Variants in FSIP1 observed in about 807,000 individuals in gnomAD.
FSIP1 encodes the protein fibrous sheath-interacting protein 1.
In FSIP1, 65 loss-of-function variants were observed where a neutral mutation model predicts 60.9. The ratio of observed to expected loss-of-function variants is 1.07; its 90% CI spans 0.87 to 1.31. FSIP1 has a LOEUF of 1.31. Ranked by LOEUF, FSIP1 falls within the 40% of genes most tolerant of loss-of-function variation. The pLI is 0.00. For synonymous variants in FSIP1, 209 were observed against 221.2 expected, an observed-to-expected ratio of 0.94 and a Z score of 0.49; for missense variants, 675 against 665.5, an observed-to-expected ratio of 1.01 and a Z score of -0.16.
chr15:39,736,428 T>C (rs1267940899), intron 8 of FSIP1, among the ~76,000 whole-genome samples: 1 of 152,226 alleles, frequency 6.6e-6, no homozygotes, highest in African/African-American at 2.4e-5. Context: ...GGATATTTTG[T>C]TTGCCCACAC....
At chr15:39,612,885 T>C (rs1179584639) in intron 11 of FSIP1, among the ~76,000 whole-genome samples, 1 of 152,120 alleles carries the variant, frequency 6.6e-6, no homozygotes, top group Non-Finnish European at 1.5e-5. Flanking sequence ...AAAGTCTTAA[T>C]ATAAACGACC....
chr15:39,749,454 A>G (rs1318245637), intron 5 of FSIP1, among the ~76,000 whole-genome samples: 2 of 152,048 alleles, frequency 1.3e-5, no homozygotes, highest in African/African-American at 4.8e-5. Flanking sequence ...ATATATCAAA[A>G]AGACTACACA....
At chr15:39,675,523 G>A (rs766687422) in intron 10 of FSIP1, among the ~76,000 whole-genome samples, 4 of 152,100 alleles carry the variant, frequency 2.6e-5, no homozygotes, top group Admixed American at 1.3e-4. Flanking sequence ...AAAAAAGGGT[G>A]CACCACTGCA....
intron 11 of FSIP1, chr15:39,602,264 G>C (rs1445701315): frequency 2.2e-6 from 1 of 453,188 alleles, no homozygotes; most frequent in African/African-American, 2.0e-5. Context: ...GCAGAGACTG[G>C]AGTGACGTGG....
intron 9 of FSIP1, among the ~76,000 whole-genome samples, chr15:39,717,786 G>A (rs1895798989): frequency 6.6e-6 from 1 of 152,200 alleles, no homozygotes; most frequent in Admixed American, 6.5e-5. Context: ...GTCAGAGATG[G>A]CCAAAATACA....
intron 11 of FSIP1, among the ~76,000 whole-genome samples, chr15:39,614,335 C>G (rs151052853): frequency 1.3e-5 from 2 of 152,064 alleles, no homozygotes; most frequent in African/African-American, 4.8e-5. Flanking sequence ...ACAATTGTCT[C>G]TAATAAAAAA....
intron 3 of FSIP1, among the ~76,000 whole-genome samples, chr15:39,769,501 T>C (rs528098782): frequency 5.3e-4 from 80 of 152,314 alleles, no homozygotes; most frequent in African/African-American, 1.9e-3. Flanking sequence ...TTCTTTCAAG[T>C]AAAAACGGTG....
intron 11 of FSIP1, among the ~76,000 whole-genome samples, chr15:39,607,919 C>G (rs993113604): frequency 6.6e-6 from 1 of 152,176 alleles, no homozygotes; most frequent in Admixed American, 6.5e-5. Context: ...CAGCCAAACA[C>G]GCAGCAACTC....
intron 5 of FSIP1, among the ~76,000 whole-genome samples, chr15:39,758,886 G>A (rs1362068537): frequency 6.6e-6 from 1 of 151,896 alleles, no homozygotes; most frequent in Non-Finnish European, 1.5e-5. Context: ...AATAAACCCA[G>A]TTCCTACACG....
chr15:39,700,988 C>T (rs899903446), intron 10 of FSIP1, among the ~76,000 whole-genome samples: 1 of 152,018 alleles, frequency 6.6e-6, no homozygotes, highest in Non-Finnish European at 1.5e-5. Flanking sequence ...CTCACCTCTA[C>T]AAAAAATACA....
intron 9 of FSIP1, among the ~76,000 whole-genome samples, chr15:39,724,102 T>C (rs1189845061): frequency 1.3e-5 from 2 of 152,240 alleles, no homozygotes; most frequent in East Asian, 3.8e-4. Flanking sequence ...ATATATGTTA[T>C]TTCACATAAA....
chr15:39,762,608 G>C (rs1473681046), intron 5 of FSIP1, among the ~76,000 whole-genome samples: 1 of 152,200 alleles, frequency 6.6e-6, no homozygotes, highest in Non-Finnish European at 1.5e-5. Context: ...GCTTGCTTGG[G>C]TTTCTCACAG....
intron 5 of FSIP1, among the ~76,000 whole-genome samples, chr15:39,753,546 T>C (rs1474978279): frequency 6.6e-6 from 1 of 152,066 alleles, no homozygotes; most frequent in Non-Finnish European, 1.5e-5. Context: ...CCAAGAAGGG[T>C]TGGCCCAGGA....
At chr15:39,695,932 G>A (rs984587658) in intron 10 of FSIP1, among the ~76,000 whole-genome samples, 5 of 152,222 alleles carry the variant, frequency 3.3e-5, no homozygotes, top group Non-Finnish European at 7.3e-5. Context: ...GGTAAGAAGA[G>A]ATTAGCAGCA....
At chr15:39,638,388 C>T (rs1014813233) in intron 10 of FSIP1, among the ~76,000 whole-genome samples, 4 of 152,180 alleles carry the variant, frequency 2.6e-5, no homozygotes, top group African/African-American at 9.7e-5. Context: ...AGGAGAATGA[C>T]AGGAGATATG....
intron 8 of FSIP1, 73 bp from the exon 9 acceptor site, chr15:39,726,820 T>A: frequency 1.7e-6 from 2 of 1,199,276 alleles, no homozygotes; most frequent in South Asian, 2.8e-5. Flanking sequence ...CAAGTGGCTA[T>A]AACAGTGCCC....
At chr15:39,679,794 G>T (rs113420405) in intron 10 of FSIP1, among the ~76,000 whole-genome samples, 1 of 151,982 alleles carries the variant, frequency 6.6e-6, no homozygotes, top group Admixed American at 6.5e-5. Context: ...CACAAACAAC[G>T]TCATCACAGG....
chr15:39,765,634 C>G lies in FSIP1; in HGVS notation c.423G>C (p.Lys141Asn), dbSNP rs747601508. 2 of 1,604,854 alleles carry G rather than the reference C, an allele frequency of 1.2e-6. No individual in the cohort carries two copies. Among genetic ancestry groups the G allele is most frequent in the Non-Finnish European group, 1.7e-6 (2 of 1,176,684 alleles). ...KKQRREKEIKKQGLEMRIKLW... is the reference protein window; with the variant it reads ...KKQRREKEIKNQGLEMRIKLW... ...GCTTTATTCTCATTTCTAGACCTTG[C>G]TTCTTAATTTCTTTTTCTCTGCGTT... is the stretch of plus-strand genomic sequence containing the variant. Residue 141 changes from lysine to asparagine, a missense_variant, in exon 4 of 12, where the codon AAG (lysine) becomes AAC (asparagine). Transcript: ENST00000350221.
chr15:39,702,986 T>C (rs79641621), intron 10 of FSIP1, among the ~76,000 whole-genome samples: 29 of 120,732 alleles, frequency 2.4e-4, no homozygotes, highest in East Asian at 5.8e-4. Flanking sequence ...AATTGTCTTT[T>C]TTTTTTTTTT....
Sources: gnomAD v4.1 joint callset for allele counts (sites outside exome capture counted in the v4.1 genomes callset) on GRCh38, gnomAD v4.1.1 for gene constraint, MANE v1.5 for transcripts, NCBI Gene and HGNC (gene_info 2026-07-23, HGNC 2026-07-21) for gene names.